BRF1: variants seen among roughly 807,000 people sequenced by gnomAD.
BRF1 encodes the protein transcription factor IIIB 90 kDa subunit.
Under a neutral mutation model 81.7 loss-of-function variants are expected in BRF1, and 59 were observed. That is an observed-to-expected ratio of 0.72 (90% CI 0.59 to 0.90). The LOEUF is 0.90. Ranked by LOEUF, BRF1 falls within the 40% of genes least tolerant of loss-of-function variation. BRF1 has a pLI of 0.00. For synonymous variants in BRF1, 491 were observed against 395.6 expected, an observed-to-expected ratio of 1.24 and a Z score of -2.86; for missense variants, 1,050 against 936.3, an observed-to-expected ratio of 1.12 and a Z score of -1.58.
intron 11 of BRF1, among the ~76,000 whole-genome samples, chr14:105,220,742 G>A (rs984647782): frequency 5.3e-5 from 8 of 152,180 alleles, no homozygotes; most frequent in Non-Finnish European, 1.5e-5. Context: ...TGCCTGCCCC[G>A]TGCTGCCAAG....
intron 1 of BRF1, chr14:105,314,736 G>C (rs1378545244): frequency 6.9e-6 from 1 of 145,274 alleles, no homozygotes; most frequent in Non-Finnish European, 1.5e-5. Flanking sequence ...GGCGGGGCGG[G>C]GCGGAGCGGC....
intron 2 of BRF1, among the ~76,000 whole-genome samples, chr14:105,281,147 C>T (rs1383119814): frequency 1.6e-5 from 2 of 125,236 alleles, no homozygotes; most frequent in Non-Finnish European, 3.4e-5. Context: ...TGTGTGGATA[C>T]AGGCTGCGTG....
chr14:105,210,607 A>T lies in BRF1; in HGVS notation c.1997-19T>A, dbSNP rs768231412. ...CCATAGTCTGCAGAAGAGCACAGTC[A>T]TGAAGCCCAGGGTCTCTGTGGGACC... is the stretch of plus-strand genomic sequence containing the variant. On this transcript the variant is annotated intron_variant, in intron 17 of 17. Transcript: ENST00000547530. The surrounding 1 kb of genome is among the most constrained non-coding windows in gnomAD (Gnocchi z 4.7). 6.2e-7 allele frequency: 1 copy of T among 1,610,684 alleles called. No individual in the cohort carries two copies. Among genetic ancestry groups the T allele is most frequent in the South Asian group, 1.1e-5 (1 of 91,020 alleles).
At chr14:105,310,599 T>C (rs1279533577) in intron 1 of BRF1, among the ~76,000 whole-genome samples, 1 of 149,256 alleles carries the variant, frequency 6.7e-6, no homozygotes, top group Non-Finnish European at 1.5e-5. Context: ...ACAAAGATCA[T>C]CCTCAATAGT....
At chr14:105,280,875 G>A (rs940364780) in intron 2 of BRF1, among the ~76,000 whole-genome samples, 11 of 150,518 alleles carry the variant, frequency 7.3e-5, no homozygotes, top group Non-Finnish European at 1.3e-4. Context: ...TACAGCCCAC[G>A]TGACCCTGAG....
chr14:105,219,124 G>T, intron 13 of BRF1, 27 bp downstream of exon 13: 1 of 1,613,140 alleles, frequency 6.2e-7, no homozygotes, highest in Non-Finnish European at 8.5e-7. Flanking sequence ...TGCGTCCTGC[G>T]TGTGAGTGTG....
chr14:105,256,082 G>A (rs1453886054), intron 4 of BRF1: 11 of 1,017,432 alleles, frequency 1.1e-5, no homozygotes, highest in South Asian at 9.8e-5. Context: ...CTGAGATCAC[G>A]CCACTGCACT....
intron 12 of BRF1, chr14:105,219,650 G>C: frequency 2.5e-6 from 1 of 399,220 alleles, no homozygotes; most frequent in Non-Finnish European, 4.5e-6. Flanking sequence ...CCTGACAGAG[G>C]GCAAGTATAT....
chr14:105,252,735 C>A (rs1264226191), intron 4 of BRF1, among the ~76,000 whole-genome samples, 156 bp from the exon 5 acceptor site: 1 of 152,246 alleles, frequency 6.6e-6, no homozygotes, highest in Non-Finnish European at 1.5e-5. Context: ...CCTCCCTTGG[C>A]TGCTGGGGCT....
At chr14:105,260,550 AT>A (rs2056102310) in intron 3 of BRF1, among the ~76,000 whole-genome samples, 1 of 151,488 alleles carries the variant, frequency 6.6e-6, no homozygotes, top group Admixed American at 6.6e-5. Flanking sequence ...TTTTTTTTGT[AT>A]TTTTAGTAGA....
At position 105,314,962 on chromosome 14, in the gene BRF1, C is replaced by T. The variant is rs1051508322; in HGVS notation, c.-162+360G>A. On this transcript the variant is annotated intron_variant, in intron 1 of 17. Transcript: ENST00000327359. ...CTCGGCCTCCCCGGCGCGCCCGGCG[C>T]GCTCAACACGCCCGTGCCCATGAAC... 3.4e-5 allele frequency: 41 copies of T among 1,200,490 alleles called. No homozygotes were observed. In the African/African-American group the frequency reaches 6.5e-4, roughly 19 times the overall value. The allele number at this position is 1,200,490 out of a possible 1,614,324, so 74.4% of individuals were successfully genotyped here. A position where few individuals can be genotyped will look rare whatever the true frequency, so the allele number is the denominator to read the frequency against.
rs1268177475 is a variant in BRF1 at position 105,300,732 on chromosome 14, C to G, written c.-103G>C. 2 of 920,390 alleles carry G rather than the reference C, an allele frequency of 2.2e-6. No individual in the cohort carries two copies. The highest frequency in any genetic ancestry group is 2.8e-6 in the Non-Finnish European group (2 of 714,914). The allele number at this position is 920,390 out of a possible 1,614,324, so 57.0% of individuals were successfully genotyped here. ...CCCGCCCAGGCCCAGCCGCCCAGGC[C>G]TCGCCGCTCTCGCGAGGCCCCGCTC... On this transcript the variant is annotated 5_prime_UTR_variant, in exon 1 of 18. Transcript: ENST00000547530.
chr14:105,229,056 C>G (rs992745092), intron 6 of BRF1, 143 bp from the exon 7 acceptor site: 8 of 739,320 alleles, frequency 1.1e-5, no homozygotes, highest in Non-Finnish European at 1.7e-5. Context: ...GAGACCCTCA[C>G]TTGGCATGGC....
At chr14:105,229,013 A>G in intron 6 of BRF1, 100 bp from the exon 7 acceptor site, 2 of 1,084,860 alleles carry the variant, frequency 1.8e-6, no homozygotes, top group Admixed American at 1.7e-5. Context: ...CACGGAGATG[A>G]TGGCCTGAGA....
intron 5 of BRF1, chr14:105,247,215 C>A: frequency 1.0e-6 from 1 of 985,466 alleles, no homozygotes; most frequent in Non-Finnish European, 1.2e-6. Flanking sequence ...CACTTTCTCT[C>A]GGAACTTTCC....
chr14:105,300,579 G>A lies in BRF1; in HGVS notation c.51C>T (p.Asp17=), dbSNP rs770073200. The change falls in exon 1 of 18, where the codon GAC becomes GAT. Residue 17 remains aspartate, a synonymous_variant. Coordinates refer to ENST00000547530, the MANE Select transcript of BRF1 (RefSeq NM_001519.4). ...RGCGGTDIEL[D]AARGDAVCTA... Reference sequence around the variant, plus strand: ...TGCACACCGCGTCCCCGCGCGCCGCGTCCAGCTCGATGTCCGTGCCGCCGC... The same window carrying A: ...TGCACACCGCGTCCCCGCGCGCCGCATCCAGCTCGATGTCCGTGCCGCCGC... 1 of 1,483,514 alleles carries A rather than the reference G, an allele frequency of 6.7e-7. No individual in the cohort carries two copies. The highest frequency in any genetic ancestry group is 2.3e-5 in the Admixed American group (1 of 43,958). 91.9% of individuals were successfully genotyped at this position (1,483,514 alleles called of 1,614,324 possible). A position where few individuals can be genotyped will look rare whatever the true frequency, so the allele number is the denominator to read the frequency against.
At chr14:105,241,680 C>T (rs587727594) in intron 5 of BRF1, 12 of 528,034 alleles carry the variant, frequency 2.3e-5, no homozygotes, top group Admixed American at 2.2e-4. Flanking sequence ...ACTGCATGGC[C>T]GCCCTGCTCA....
intron 1 of BRF1, among the ~76,000 whole-genome samples, chr14:105,295,773 C>T (rs1446023122): frequency 6.7e-6 from 1 of 149,348 alleles, no homozygotes; most frequent in African/African-American, 2.5e-5. Context: ...AACAGTGAGA[C>T]TTTGTCCCAG....
chr14:105,302,624 C>T (rs1304479511), upstream of BRF1, among the ~76,000 whole-genome samples: 1 of 151,958 alleles, frequency 6.6e-6, no homozygotes, highest in Non-Finnish European at 1.5e-5. Context: ...CTCATTCTGT[C>T]ACCCAAGGTG....
Sources: allele counts gnomAD v4.1 joint callset (sites outside exome capture counted in the v4.1 genomes callset), GRCh38; gene constraint gnomAD v4.1.1; non-coding constraint Gnocchi (gnomAD v3.1); transcripts MANE v1.5; gene names NCBI Gene and HGNC (gene_info 2026-07-23, HGNC 2026-07-21).